The following S100A16 variants were observed in gnomAD, a reference collection of about 807,000 sequenced individuals.
S100A16 encodes the protein S100 calcium binding protein A16.
Under a neutral mutation model 9.0 loss-of-function variants are expected in S100A16, and 8 were observed. That is an observed-to-expected ratio of 0.89 (90% CI 0.52 to 1.60). The LOEUF (loss-of-function observed/expected upper bound fraction) is 1.60. S100A16 is among the 40% of genes most tolerant of loss of function. The pLI is 0.00. For missense variants in S100A16, 138 were observed against 132.4 expected (o/e 1.04, Z -0.21); for synonymous variants, 51 against 51.4 (o/e 0.99, Z 0.04).
chr1:153,610,409 C>T (rs1666807292), intron 1 of S100A16, among the ~76,000 whole-genome samples: 1 of 152,184 alleles, frequency 6.6e-6, no homozygotes, highest in South Asian at 2.1e-4. Flanking sequence ...CACAAGCTAG[C>T]CCACCTCTCC....
intron 1 of S100A16, among the ~76,000 whole-genome samples, chr1:153,610,990 T>C (rs1666822474): frequency 6.6e-6 from 1 of 152,070 alleles, no homozygotes; most frequent in African/African-American, 2.4e-5. Flanking sequence ...GAGTGGACAG[T>C]GTACACAGGA....
Position 153,607,487 on chromosome 1 carries a change from G to A in S100A16, c.*47C>T, listed in dbSNP as rs756583606. On this transcript the variant is annotated 3_prime_UTR_variant, in exon 3 of 3. Transcript: ENST00000368706. ...AGGAGGGAGCCTGGGGAGAGCACCA[G>A]GGCGGGGCATCAGGCCAGTGCCTGG... 4 of 1,611,162 alleles carry A rather than the reference G, an allele frequency of 2.5e-6. No homozygotes were observed. The highest frequency in any genetic ancestry group is 3.4e-6 in the Non-Finnish European group (4 of 1,178,324).
At position 153,607,670 on chromosome 1, in the gene S100A16, G is replaced by T. The variant is rs573169072; in HGVS notation, c.176C>A (p.Ala59Glu). The change falls in exon 3 of 3, where the codon GCG (alanine) becomes GAG (glutamate). Residue 59 changes from alanine to glutamate, a missense_variant. Coordinates refer to ENST00000368706, the MANE Select transcript of S100A16 (RefSeq NM_080388.3). The stretch of plus-strand genomic sequence containing the variant: ...ATCCAGGTTCTGGATGAGCTTATCC[G>T]CAGCCTTCCGGTTCCCTGTGTCCTG... ...MLSDTGNRKA[A>E]DKLIQNLDAN... is the part of the protein sequence containing the mutation. The T allele has an allele frequency of 2.2e-5, 36 of 1,614,162 alleles. No homozygotes were observed. Among genetic ancestry groups the T allele is most frequent in the South Asian group, 5.5e-5 (5 of 91,086 alleles).
At chr1:153,610,728 A>ATAGG (rs1322133277) in intron 1 of S100A16, among the ~76,000 whole-genome samples, 3 of 152,120 alleles carry the variant, frequency 2.0e-5, no homozygotes, top group African/African-American at 7.2e-5. Context: ...TGAAGGAAGG[A>ATAGG]TAGGGTAGCA....
chr1:153,609,782 T>C (rs9660679), intron 1 of S100A16, among the ~76,000 whole-genome samples: 93,391 of 151,996 alleles, frequency 0.61, 29,576 homozygotes, highest in African/African-American at 0.76. Flanking sequence ...TTGCACGTCC[T>C]TGACCACCTT....
chr1:153,610,977 C>T lies in S100A16; in HGVS notation c.-27+1975G>A, dbSNP rs975264105. 4.5e-4 allele frequency among the ~76,000 whole-genome samples: 68 copies of T among 152,200 alleles called. 1 individual carries two copies. The highest frequency in any genetic ancestry group is 1.6e-3 in the African/African-American group (66 of 41,524). ...TGGCCCTGCCACAGGTAGATCCTGG[C>T]CTGAGTGGACAGTGTACACAGGAGC... On this transcript the variant is annotated intron_variant, in intron 1 of 2. Transcript: ENST00000368706.
intron 1 of S100A16, among the ~76,000 whole-genome samples, chr1:153,609,648 G>A (rs1666790769): frequency 6.6e-6 from 1 of 152,140 alleles, no homozygotes; most frequent in African/African-American, 2.4e-5. Context: ...TTTCAATCCT[G>A]GATATACACC....
intron 1 of S100A16, chr1:153,609,144 C>T (rs2101511888): frequency 1.0e-6 from 1 of 985,814 alleles, no homozygotes; most frequent in East Asian, 1.1e-4. Flanking sequence ...CCTTCCCACC[C>T]CCAAGCCCAG....
Position 153,607,560 on chromosome 1 carries a change from C to T in S100A16, c.286G>A (p.Glu96Lys). ...ITGPIAKLIH[E>K]QEQQSSS ...TAGCTGCTGCTCTGCTGCTCCTGCT[C>T]ATGGATGAGTTTGGCGATGGGGCCG... is the stretch of plus-strand genomic sequence containing the variant. The change falls in exon 3 of 3, where the codon GAG (glutamate) becomes AAG (lysine). Residue 96 changes from glutamate (E) to lysine (K), a missense_variant. Physicochemically the swap from Glu to Lys is moderately conservative, Grantham distance 56 (BLOSUM62 1). Coordinates refer to ENST00000368706, the MANE Select transcript of S100A16 (RefSeq NM_080388.3). 1.2e-6 allele frequency: 2 copies of T among 1,614,192 alleles called. No homozygotes were observed. Among genetic ancestry groups the T allele is most frequent in the Non-Finnish European group, 1.7e-6 (2 of 1,180,004 alleles).
rs773071655 is a variant in S100A16, at chr1:153,607,628, C to T, written c.218G>A (p.Arg73His). 22 of 1,614,162 alleles carry T rather than the reference C, an allele frequency of 1.4e-5. No homozygotes were observed. Among genetic ancestry groups the T allele is most frequent in the East Asian group, 2.2e-5 (1 of 44,886 alleles). Residue 73 changes from arginine to histidine, a missense_variant, in exon 3 of 3, where the codon CGC becomes CAC. Coordinates refer to ENST00000368706, the MANE Select transcript of S100A16 (RefSeq NM_080388.3). ...IQNLDANHDG[R>H]ISFDEYWTLI... ...GGTCCAGTACTCATCGAAGCTGATG[C>T]GCCCATCATGATTGGCATCCAGGTT...
intron 1 of S100A16, chr1:153,608,386 A>G (rs749677361): frequency 2.8e-4 from 148 of 538,156 alleles, no homozygotes; most frequent in Non-Finnish European, 9.0e-5. Context: ...GGTGCTCCCC[A>G]GCTCAACCGC....
chr1:153,606,917 T>A lies in S100A16; in HGVS notation c.*617A>T, dbSNP rs1403811358. 4.7e-6 allele frequency: 1 copy of A among 213,560 alleles called. No individual in the cohort carries two copies. The highest frequency in any genetic ancestry group is 9.6e-6 in the Non-Finnish European group (1 of 104,220). 13.2% of individuals were successfully genotyped at this position (213,560 alleles called of 1,614,324 possible). The stretch of plus-strand genomic sequence containing the variant: ...AGGAGTGGGAAGGTTTTAATGAGCA[T>A]CCCAGAGGGACCAGGGGATACAAAC... On this transcript the variant is annotated 3_prime_UTR_variant, in exon 3 of 3. Coordinates refer to ENST00000368706, the MANE Select transcript of S100A16 (RefSeq NM_080388.3).
Position 153,607,531 on chromosome 1 carries a change from T to C in S100A16, c.*3A>G, listed in dbSNP as rs1407459865. 4 of 1,613,610 alleles carry C rather than the reference T, an allele frequency of 2.5e-6. No individual in the cohort carries two copies. Among genetic ancestry groups the C allele is most frequent in the African/African-American group, 1.3e-5 (1 of 74,804 alleles). The stretch of plus-strand genomic sequence containing the variant: ...TGCCTGGAAGGTGTGGCCAAAGGGG[T>C]CTCTAGCTGCTGCTCTGCTGCTCCT... On this transcript the variant is annotated 3_prime_UTR_variant, in exon 3 of 3. Transcript: ENST00000368706.
At chr1:153,609,576 T>C (rs997009089) in intron 1 of S100A16, among the ~76,000 whole-genome samples, 1 of 152,194 alleles carries the variant, frequency 6.6e-6, no homozygotes. Context: ...GCATAGTTTT[T>C]CTTACACATG....
Position 153,607,545 on chromosome 1 carries a change from T to C in S100A16, c.301A>G (p.Ser101Gly). ...GGCCAAAGGGGTCTCTAGCTGCTGC[T>C]CTGCTGCTCCTGCTCATGGATGAGT... The part of the protein sequence containing the change: ...AKLIHEQEQQ[S>G]SS The change falls in exon 3 of 3, where the codon AGC becomes GGC. Residue 101 changes from serine (S) to glycine (G), a missense_variant. Physicochemically the swap from Ser to Gly is moderately conservative, Grantham distance 56 (BLOSUM62 0). Coordinates refer to ENST00000368706, the MANE Select transcript of S100A16 (RefSeq NM_080388.3). The C allele has an allele frequency of 2.5e-6, 4 of 1,614,150 alleles. No individual in the cohort carries two copies. Among genetic ancestry groups the C allele is most frequent in the Non-Finnish European group, 3.4e-6 (4 of 1,180,000 alleles).
intron 1 of S100A16, among the ~76,000 whole-genome samples, chr1:153,610,404 G>A (rs1211510415): frequency 6.6e-6 from 1 of 152,162 alleles, no homozygotes; most frequent in Non-Finnish European, 1.5e-5. Flanking sequence ...CTCCCCACAA[G>A]CTAGCCCACC....
In S100A16 at chr1:153,606,896, G is replaced by A. The variant is rs1018594367; in HGVS notation, c.*638C>T. ...CCAAAGCATAAAACGTTTCCAAGGAGTGGGAAGGTTTTAATGAGCATCCCA... is the reference window on the plus strand; with the variant it reads ...CCAAAGCATAAAACGTTTCCAAGGAATGGGAAGGTTTTAATGAGCATCCCA... On this transcript the variant is annotated 3_prime_UTR_variant, in exon 3 of 3. Transcript: ENST00000368706. 1.6e-5 allele frequency: 3 copies of A among 187,730 alleles called. No homozygotes were observed. 11.6% of individuals were successfully genotyped at this position (187,730 alleles called of 1,614,324 possible). A position where few individuals can be genotyped will look rare whatever the true frequency, so the allele number is the denominator to read the frequency against.
Position 153,609,275 on chromosome 1 carries a change from G to A in S100A16, c.-26-1098C>T, listed in dbSNP as rs560233688. On this transcript the variant is annotated intron_variant, in intron 1 of 2. Coordinates refer to ENST00000368706, the MANE Select transcript of S100A16 (RefSeq NM_080388.3). ...TCAGATTTGGAAGGAAAGGCTGCTC[G>A]GTCAGGCCCCACCACAGCCTCCTGT... 51 of 985,718 alleles carry A rather than the reference G, an allele frequency of 5.2e-5. 1 individual carries two copies. The South Asian group carries it at 1.9e-3, about 37-fold the overall frequency. 61.1% of individuals were successfully genotyped at this position (985,718 alleles called of 1,614,324 possible). A position where few individuals can be genotyped will look rare whatever the true frequency, so the allele number is the denominator to read the frequency against.
chr1:153,608,207 G>A, intron 1 of S100A16, 30 bp from the exon 2 acceptor site: 1 of 1,599,220 alleles, frequency 6.3e-7, no homozygotes, highest in Non-Finnish European at 8.5e-7. Context: ...GAGATGAGAA[G>A]AGACACCCAC....
Sources: gnomAD v4.1 joint callset for allele counts (sites outside exome capture counted in the v4.1 genomes callset) on GRCh38, gnomAD v4.1.1 for gene constraint, MANE v1.5 for transcripts, NCBI Gene and HGNC (gene_info 2026-07-23, HGNC 2026-07-21) for gene names.